MYRFL: variants seen among roughly 807,000 people sequenced by gnomAD.
MYRFL encodes myelin regulatory factor-like protein.
In MYRFL, 88 loss-of-function variants were observed where a neutral mutation model predicts 109.4. The observed-to-expected ratio is 0.80, with a 90% CI of 0.68 to 0.96. MYRFL has a LOEUF of 0.96. Among genes scored for constraint, MYRFL ranks in the 40% least tolerant of loss-of-function variants. The pLI is 0.00. For missense variants in MYRFL, 957 were observed against 954.9 expected, an observed-to-expected ratio of 1.00 and a Z score of -0.03; for synonymous variants, 324 against 320.9, an observed-to-expected ratio of 1.01 and a Z score of -0.10.
intron 2 of MYRFL, among the ~76,000 whole-genome samples, chr12:69,869,155 A>G (rs1240227): frequency 0.25 from 37,889 of 152,202 alleles, 5,484 homozygotes; most frequent in Middle Eastern, 0.38. Flanking sequence ...AGTGAACAAA[A>G]CAGATATAAT....
intron 2 of MYRFL, 77 bp from the exon 3 acceptor site, chr12:69,878,951 G>T: frequency 1.4e-6 from 1 of 701,992 alleles, no homozygotes; most frequent in South Asian, 1.5e-5. Flanking sequence ...TGTACACTGA[G>T]GGTTGTCTCC....
At chr12:69,905,960 T>G (rs934335361) in intron 11 of MYRFL, among the ~76,000 whole-genome samples, 16 of 152,314 alleles carry the variant, frequency 1.1e-4, no homozygotes, top group African/African-American at 3.8e-4. Context: ...TTTCATATAC[T>G]CTGGGGATCT....
intron 1 of MYRFL, among the ~76,000 whole-genome samples, chr12:69,826,414 A>G (rs895582483): frequency 6.6e-6 from 1 of 152,118 alleles, no homozygotes; most frequent in African/African-American, 2.4e-5. Flanking sequence ...TATATCATAT[A>G]TAATTTTCGT....
Position 69,900,942 on chromosome 12 carries a change from G to C in MYRFL, c.1183-2702G>C, listed in dbSNP as rs552609008. On this transcript the variant is annotated intron_variant, in intron 10 of 24. Coordinates refer to ENST00000552032, the MANE Select transcript of MYRFL (RefSeq NM_182530.3). ...GCTGCTGTGCCCAGGAGAGTGTGTC[G>C]AGAATAACTTTGAGACTTTTCATCC... Among the ~76,000 whole-genome samples, 4 of 152,280 alleles carry C rather than the reference G, an allele frequency of 2.6e-5. No individual in the cohort carries two copies. The South Asian group carries it at 6.2e-4, about 24-fold the overall frequency.
rs1170011936 is a variant in MYRFL, at chr12:69,855,374, A to G, written c.137+4A>G. The G allele has an allele frequency of 1.4e-6, 1 of 702,658 alleles. No individual in the cohort carries two copies. Among genetic ancestry groups the G allele is most frequent in the Non-Finnish European group, 2.6e-6 (1 of 384,736 alleles). 43.5% of individuals were successfully genotyped at this position (702,658 alleles called of 1,614,324 possible). On this transcript the variant is annotated splice_donor_region_variant and intron_variant, in intron 2 of 24. Coordinates refer to ENST00000552032, the MANE Select transcript of MYRFL (RefSeq NM_182530.3). ...ATGACTTTGATTTGGGGGCCTTGTA[A>G]GTAATGAGAGCACTGCTCTCTAGTT...
chr12:69,957,847 C>T lies in MYRFL; in HGVS notation c.2476C>T (p.Gln826Ter), dbSNP rs1243765249. The change falls in exon 23 of 25, where the codon CAG becomes TAG. Residue 826 changes from glutamine to a stop codon, truncating the protein, a stop_gained. Transcript: ENST00000552032. LOFTEE classifies it high-confidence loss of function. ...INTTEPLIVF[Q>*]CKFTLGNICF... ...CACAACAGAGCCATTGATAGTCTTC[C>T]AGTGCAAATTCACCCTTGGAAATAT... 2 of 1,533,848 alleles carry T rather than the reference C, an allele frequency of 1.3e-6. No individual in the cohort carries two copies. The highest frequency in any genetic ancestry group is 1.7e-6 in the Non-Finnish European group (2 of 1,145,168).
chr12:69,858,309 TG>T (rs1380228761), intron 2 of MYRFL, among the ~76,000 whole-genome samples: 29 of 152,064 alleles, frequency 1.9e-4, no homozygotes, highest in Middle Eastern at 3.4e-3. Flanking sequence ...ATCACAGTTT[TG>T]TTTTTTTATA....
At chr12:69,878,895 C>T (rs1885861955) in intron 2 of MYRFL, 133 bp from the exon 3 acceptor site, 1 of 658,558 alleles carries the variant, frequency 1.5e-6, no homozygotes, top group East Asian at 2.7e-5. Flanking sequence ...CTTCCCAAAC[C>T]CCTCACCCCC....
intron 2 of MYRFL, among the ~76,000 whole-genome samples, chr12:69,867,940 C>T (rs1050202162): frequency 1.1e-4 from 16 of 152,104 alleles, no homozygotes; most frequent in African/African-American, 2.9e-4. Context: ...CCAGATGAAA[C>T]GACCTATAAT....
At chr12:69,926,478 G>A (rs1955086335) in intron 13 of MYRFL, 93 bp from the exon 14 acceptor site, 1 of 1,103,970 alleles carries the variant, frequency 9.1e-7, no homozygotes, top group Non-Finnish European at 1.2e-6. Flanking sequence ...ATTTTCAACA[G>A]TATAATCCAG....
intron 11 of MYRFL, among the ~76,000 whole-genome samples, chr12:69,908,283 A>G (rs1954439461): frequency 1.3e-5 from 2 of 152,224 alleles, no homozygotes; most frequent in Admixed American, 1.3e-4. Context: ...AGGAGAAGAC[A>G]AAGAATGAAG....
Position 69,926,552 on chromosome 12 carries a change from T to C in MYRFL, c.1603-19T>C, listed in dbSNP as rs1049168363. The stretch of plus-strand genomic sequence containing the variant: ...TCAAATTGTTAATTTATGCACTCTG[T>C]TTGATTTTTCCCTTTTAGGACCAGA... On this transcript the variant is annotated intron_variant, in intron 13 of 24. Coordinates refer to ENST00000552032, the MANE Select transcript of MYRFL (RefSeq NM_182530.3). 8 of 1,473,802 alleles carry C rather than the reference T, an allele frequency of 5.4e-6. No homozygotes were observed. Among genetic ancestry groups the C allele is most frequent in the Non-Finnish European group, 7.2e-6 (8 of 1,115,304 alleles). The allele number at this position is 1,473,802 out of a possible 1,614,324, so 91.3% of individuals were successfully genotyped here.
intron 2 of MYRFL, among the ~76,000 whole-genome samples, chr12:69,868,654 G>A (rs1215985929): frequency 6.6e-6 from 1 of 152,088 alleles, no homozygotes; most frequent in African/African-American, 2.4e-5. Context: ...CTTGTTTTTT[G>A]CTGCCATATC....
In MYRFL at chr12:69,887,883, C is replaced by G. The variant is rs145890003; in HGVS notation, c.707+913C>G. ...GACTTTGTGTCTTTTCTACTGTGTG[C>G]AATTAGAAAAAGAAATGAGGGGTCC... On this transcript the variant is annotated intron_variant, in intron 6 of 24. Coordinates refer to ENST00000552032, the MANE Select transcript of MYRFL (RefSeq NM_182530.3). 1.9e-4 allele frequency among the ~76,000 whole-genome samples: 29 copies of G among 152,088 alleles called. No homozygotes were observed. In the East Asian group the frequency reaches 5.0e-3, roughly 26 times the overall value.
intron 13 of MYRFL, among the ~76,000 whole-genome samples, chr12:69,925,144 A>T (rs901329722): frequency 1.3e-5 from 2 of 152,062 alleles, no homozygotes; most frequent in South Asian, 4.1e-4. Flanking sequence ...CTCTGGGGAG[A>T]TACTGGGTAT....
intron 2 of MYRFL, among the ~76,000 whole-genome samples, chr12:69,865,329 C>G (rs1162004467): frequency 6.6e-6 from 1 of 152,156 alleles, no homozygotes; most frequent in Non-Finnish European, 1.5e-5. Flanking sequence ...GGAAACCCAG[C>G]AGGGTCTGTT....
In MYRFL at chr12:69,889,855, CA is replaced by C. The variant is rs34589303; in HGVS notation, c.708-1105del. On this transcript the variant is annotated intron_variant, in intron 6 of 24. Coordinates refer to ENST00000552032, the MANE Select transcript of MYRFL (RefSeq NM_182530.3). ...TGGGCGACAGAGCGAGACTCTGTCT[CA>C]AAAAAAAAAAGTTTAGGATCTTGGA... Among the ~76,000 whole-genome samples, 399 of 138,262 alleles carry C rather than the reference CA, an allele frequency of 2.9e-3. 1 individual carries two copies. Among genetic ancestry groups the C allele is most frequent in the African/African-American group, 9.9e-3 (370 of 37,504 alleles). The allele number at this position is 138,262 out of a possible 152,430, so 90.7% of individuals were successfully genotyped here.
intron 6 of MYRFL, among the ~76,000 whole-genome samples, chr12:69,888,773 T>C (rs989698379): frequency 1.3e-5 from 2 of 152,252 alleles, no homozygotes; most frequent in African/African-American, 4.8e-5. Context: ...AGACGGTTCT[T>C]ATTACCCTCT....
At chr12:69,909,529 C>CT (rs772932228) in intron 11 of MYRFL, among the ~76,000 whole-genome samples, 15 of 152,152 alleles carry the variant, frequency 9.9e-5, no homozygotes, top group Non-Finnish European at 1.9e-4. Flanking sequence ...GGGCTACCAA[C>CT]TTTTTTGTCA....
Sources: allele counts gnomAD v4.1 joint callset (sites outside exome capture counted in the v4.1 genomes callset), GRCh38; gene constraint gnomAD v4.1.1; transcripts MANE v1.5; gene names NCBI Gene and HGNC (gene_info 2026-07-23, HGNC 2026-07-21).